Variants in TRAP1 observed in about 807,000 individuals in gnomAD.
TRAP1 encodes the protein heat shock protein 75 kDa, mitochondrial.
In TRAP1, 102 loss-of-function variants were observed where a neutral mutation model predicts 89.1. That is an observed-to-expected ratio of 1.15 (90% CI 0.98 to 1.35). The LOEUF is 1.35. Ranked by LOEUF, TRAP1 falls within the 40% of genes most tolerant of loss-of-function variation. The probability of loss-of-function intolerance (pLI) is 0.00; values close to 1 mark genes in which losing one functional copy is unlikely to be tolerated. For synonymous variants in TRAP1, 508 were observed against 388.0 expected (o/e 1.31, Z -3.64); for missense variants, 1,256 against 945.3 (o/e 1.33, Z -4.31).
chr16:3,666,213 CAAA>C (rs2050826599), intron 11 of TRAP1, 95 bp from the exon 12 acceptor site: 2 of 1,438,978 alleles, frequency 1.4e-6, no homozygotes, highest in African/African-American at 1.4e-5. Flanking sequence ...CGCTAAGAAT[CAAA>C]GAAGTGAAAA....
chr16:3,658,857 A>C lies in TRAP1; in HGVS notation c.1949T>G (p.Leu650Arg). The change falls in exon 17 of 18, where the codon CTC becomes CGC. Residue 650 changes from leucine to arginine, a missense_variant. Leu to Arg is a moderately radical substitution (Grantham distance 102). Coordinates refer to ENST00000246957, the MANE Select transcript of TRAP1 (RefSeq NM_016292.3). ...PTLEINPRHA[L>R]IKKLNQLRAS... ...GCGCAGCTGATTCAGCTTCTTGATG[A>C]GCGCGTGCCTGCAACACAGAACCCA... The C allele has an allele frequency of 6.2e-7, 1 of 1,614,032 alleles. No individual in the cohort carries two copies. The highest frequency in any genetic ancestry group is 1.7e-5 in the Admixed American group (1 of 60,020).
At chr16:3,693,455 G>A (rs898717240) in intron 1 of TRAP1, among the ~76,000 whole-genome samples, 6 of 151,836 alleles carry the variant, frequency 4.0e-5, no homozygotes, top group Admixed American at 2.6e-4. Context: ...AGAGGAGTTC[G>A]CGAACAGTCT....
intron 1 of TRAP1, among the ~76,000 whole-genome samples, chr16:3,715,167 A>G (rs1175725874): frequency 6.6e-6 from 1 of 152,258 alleles, no homozygotes; most frequent in Non-Finnish European, 1.5e-5. Flanking sequence ...GGCTGGGCAC[A>G]GCGGCTCACG....
chr16:3,664,346 G>A lies in TRAP1; in HGVS notation c.1497C>T (p.Tyr499=). Residue 499 remains tyrosine (Y), a synonymous_variant, in exon 13 of 18, where the codon TAC becomes TAT. Transcript: ENST00000246957. ...CCAGGTGACGGTTGGGGGCGCACAG[G>A]TAGTAGATGTTGCGGGTGCCGGCCC... ...RMRAGTRNIY[Y]LCAPNRHLAE... 8 of 1,613,146 alleles carry A rather than the reference G, an allele frequency of 5.0e-6. 1 individual carries two copies. The highest frequency in any genetic ancestry group is 3.3e-5 in the Admixed American group (2 of 59,820).
chr16:3,711,673 A>G (rs2051533997), intron 1 of TRAP1, among the ~76,000 whole-genome samples: 1 of 152,180 alleles, frequency 6.6e-6, no homozygotes, highest in Non-Finnish European at 1.5e-5. Flanking sequence ...TCCCGCAAGT[A>G]GATACTGTTT....
At chr16:3,714,654 G>A (rs558067751) in intron 1 of TRAP1, among the ~76,000 whole-genome samples, 13 of 151,926 alleles carry the variant, frequency 8.6e-5, no homozygotes, top group African/African-American at 2.2e-4. Flanking sequence ...GCAAGACTCC[G>A]GCTCAAAAAA....
At chr16:3,677,106 G>A (rs2051008557) in intron 6 of TRAP1, among the ~76,000 whole-genome samples, 1 of 151,764 alleles carries the variant, frequency 6.6e-6, no homozygotes, top group African/African-American at 2.4e-5. Context: ...CCCTATAGAG[G>A]CAGAAGTGGG....
At chr16:3,665,843 G>GGCA (rs577251188) in intron 12 of TRAP1, 128 bp downstream of exon 12, 20 of 1,205,514 alleles carry the variant, frequency 1.7e-5, no homozygotes, top group South Asian at 6.3e-5. Flanking sequence ...TGACCCTGGT[G>GGCA]GCAGCAGCAG....
In TRAP1 at chr16:3,658,806, A is replaced by G. The variant is rs1392824866; in HGVS notation, c.2000T>C (p.Leu667Pro). The change falls in exon 17 of 18, where the codon CTG (leucine) becomes CCG (proline). Residue 667 changes from leucine to proline, a missense_variant. Physicochemically the swap from Leu to Pro is moderately conservative, Grantham distance 98. Coordinates refer to ENST00000246957, the MANE Select transcript of TRAP1 (RefSeq NM_016292.3). The part of the protein sequence containing the change: ...LRASEPGLAQ[L>P]LVDQIYENAM... ...TGCTGCACTCACCTGATCCACCAGC[A>G]GCTGAGCCAGGCCAGGCTCGCTTGC... The G allele has an allele frequency of 6.2e-7, 1 of 1,613,708 alleles. No individual in the cohort carries two copies. The highest frequency in any genetic ancestry group is 8.5e-7 in the Non-Finnish European group (1 of 1,179,968).
intron 1 of TRAP1, among the ~76,000 whole-genome samples, chr16:3,699,610 CAA>C (rs1466954975): frequency 1.0e-5 from 1 of 97,490 alleles, no homozygotes; most frequent in Non-Finnish European, 1.9e-5. Flanking sequence ...GCCTGGGTGA[CAA>C]GAGTGAAACT....
At chr16:3,709,965 A>G (rs912265273) in intron 1 of TRAP1, among the ~76,000 whole-genome samples, 1 of 152,170 alleles carries the variant, frequency 6.6e-6, no homozygotes, top group African/African-American at 2.4e-5. Context: ...ATTCTTAAGT[A>G]CATGAACATT....
intron 1 of TRAP1, among the ~76,000 whole-genome samples, chr16:3,703,872 G>A (rs1209143343): frequency 1.5e-4 from 23 of 151,642 alleles, no homozygotes; most frequent in Non-Finnish European, 4.4e-5. Context: ...AAAATTAGCC[G>A]GGCGTGGTGG....
intron 4 of TRAP1, among the ~76,000 whole-genome samples, chr16:3,680,691 C>T (rs1242325823): frequency 6.6e-6 from 1 of 152,226 alleles, no homozygotes; most frequent in Non-Finnish European, 1.5e-5. Context: ...ATATTAAGAC[C>T]TAAGTCCCAA....
At chr16:3,708,761 A>G (rs1426082276) in intron 1 of TRAP1, among the ~76,000 whole-genome samples, 1 of 151,920 alleles carries the variant, frequency 6.6e-6, no homozygotes. Flanking sequence ...GGTTACAGTA[A>G]GGTGAGATGG....
intron 16 of TRAP1, chr16:3,661,652 T>C: frequency 3.7e-6 from 1 of 267,532 alleles, no homozygotes; most frequent in Non-Finnish European, 7.0e-6. Context: ...ACGTGAGACT[T>C]CAGCAAACAC....
intron 11 of TRAP1, among the ~76,000 whole-genome samples, chr16:3,668,835 G>A (rs28502601): frequency 0.02 from 3,076 of 152,274 alleles, 88 homozygotes; most frequent in African/African-American, 0.062. Context: ...GATGAAACAC[G>A]TGTTTATGCA....
intron 1 of TRAP1, among the ~76,000 whole-genome samples, chr16:3,709,814 C>G (rs1026879965): frequency 6.6e-6 from 1 of 152,142 alleles, no homozygotes; most frequent in Non-Finnish European, 1.5e-5. Flanking sequence ...CCACGCCCGG[C>G]TAGTTTTGTA....
intron 2 of TRAP1, among the ~76,000 whole-genome samples, chr16:3,689,968 G>A (rs1376410088): frequency 6.6e-6 from 1 of 152,162 alleles, no homozygotes; most frequent in African/African-American, 2.4e-5. Context: ...AATGTGCATG[G>A]TTACGAGAAC....
Position 3,659,526 on chromosome 16 carries a change from A to G in TRAP1, c.1941-661T>C, listed in dbSNP as rs1198545400. ...TGATTGACATATTTGACGTCAGAAC[A>G]ATATTTTTTTCTGCATAGGAAAAAG... is the stretch of plus-strand genomic sequence containing the variant. On this transcript the variant is annotated intron_variant, in intron 16 of 17. Coordinates refer to ENST00000246957, the MANE Select transcript of TRAP1 (RefSeq NM_016292.3). 3 of 152,218 alleles carry G rather than the reference A, an allele frequency of 2.0e-5. No homozygotes were observed. In the South Asian group the frequency reaches 6.2e-4, roughly 32 times the overall value. The allele number at this position is 152,218 out of a possible 1,614,324, so 9.4% of individuals were successfully genotyped here.
Sources: allele counts gnomAD v4.1 joint callset (sites outside exome capture counted in the v4.1 genomes callset), GRCh38; gene constraint gnomAD v4.1.1; transcripts MANE v1.5; gene names NCBI Gene and HGNC (gene_info 2026-07-23, HGNC 2026-07-21).